The following CIMIP7 variants were observed in gnomAD, a reference collection of about 807,000 sequenced individuals.
The protein encoded by CIMIP7 is ciliary microtubule inner protein 7, also known as uncharacterized protein C3orf84.
At chr3:49,178,575 A>T in the CIMIP7 span, 1 of 1,585,102 alleles carries the variant, frequency 6.3e-7, no homozygotes, top group Non-Finnish European at 8.6e-7. Context: ...AATGGGGAAA[A>T]TGATGCTTAT....
At chr3:49,187,161 T>C in the CIMIP7 span, among the ~76,000 whole-genome samples, 1 of 152,184 alleles carries the variant, frequency 6.6e-6, no homozygotes, top group Non-Finnish European at 1.5e-5. Context: ...TGTGGGAGCT[T>C]GGTGAGAAGC....
chr3:49,178,190 C>A, the CIMIP7 span: 1 of 804,122 alleles, frequency 1.2e-6, no homozygotes, highest in Non-Finnish European at 1.9e-6. Flanking sequence ...CCTTGGCCTG[C>A]CTCCCCAGTG....
the CIMIP7 span, chr3:49,178,498 C>T: frequency 1.2e-4 from 187 of 1,613,534 alleles, 1 homozygote; most frequent in Non-Finnish European, 1.4e-4. Flanking sequence ...AAAGGAAGTA[C>T]GGTTGTCGTG....
chr3:49,182,848 C>T, the CIMIP7 span, among the ~76,000 whole-genome samples: 1 of 152,234 alleles, frequency 6.6e-6, no homozygotes, highest in Non-Finnish European at 1.5e-5. Context: ...AAATTCAGCA[C>T]AGCAGCTGCT....
chr3:49,188,778 C>T, the CIMIP7 span, among the ~76,000 whole-genome samples: 10 of 151,856 alleles, frequency 6.6e-5, no homozygotes, highest in African/African-American at 9.7e-5. Flanking sequence ...GTTGTGACTC[C>T]GATTTATTTA....
the CIMIP7 span, among the ~76,000 whole-genome samples, chr3:49,187,616 G>GA: frequency 6.8e-6 from 1 of 147,010 alleles, no homozygotes; most frequent in Non-Finnish European, 1.5e-5. Context: ...ATCTGCTTTA[G>GA]AAAAAAAATG....
the CIMIP7 span, among the ~76,000 whole-genome samples, chr3:49,187,664 T>C: frequency 6.6e-6 from 1 of 152,072 alleles, no homozygotes; most frequent in Non-Finnish European, 1.5e-5. Context: ...CTGTATGTCA[T>C]GGACAAAAAT....
chr3:49,178,347 G>A, the CIMIP7 span: 1 of 786,376 alleles, frequency 1.3e-6, no homozygotes, highest in South Asian at 1.7e-5. Flanking sequence ...AAGTTTGTGG[G>A]GGAAGACAGC....
chr3:49,183,114 C>A, the CIMIP7 span, among the ~76,000 whole-genome samples: 26 of 152,298 alleles, frequency 1.7e-4, no homozygotes, highest in African/African-American at 6.3e-4. Flanking sequence ...AAGTGGGAGT[C>A]CAGGCAGAGG....
the CIMIP7 span, among the ~76,000 whole-genome samples, chr3:49,190,816 C>T: frequency 6.6e-6 from 1 of 151,784 alleles, no homozygotes; most frequent in Non-Finnish European, 1.5e-5. Context: ...TTACAGGCGC[C>T]CGCCACCACA....
the CIMIP7 span, chr3:49,177,726 C>T: frequency 6.2e-7 from 1 of 1,609,718 alleles, no homozygotes; most frequent in Non-Finnish European, 8.5e-7. Flanking sequence ...GTCTTGGGAT[C>T]CCTGGGAGGT....
the CIMIP7 span, among the ~76,000 whole-genome samples, chr3:49,189,231 A>C: frequency 6.6e-6 from 1 of 151,524 alleles, no homozygotes; most frequent in Admixed American, 6.6e-5. Context: ...GGCCTCCCAA[A>C]GTTCTGGGAT....
chr3:49,185,052 G>A, the CIMIP7 span, among the ~76,000 whole-genome samples: 2 of 151,464 alleles, frequency 1.3e-5, no homozygotes, highest in East Asian at 3.9e-4. Flanking sequence ...ACCTGAGGTC[G>A]GGAGTTCAAG....
chr3:49,178,266 T>G, the CIMIP7 span, among the ~76,000 whole-genome samples: 14 of 152,188 alleles, frequency 9.2e-5, no homozygotes, highest in African/African-American at 3.4e-4. Context: ...GCATATTGTC[T>G]GGCAAGTTGG....
At chr3:49,181,526 T>G in the CIMIP7 span, among the ~76,000 whole-genome samples, 1 of 151,992 alleles carries the variant, frequency 6.6e-6, no homozygotes, top group Non-Finnish European at 1.5e-5. Flanking sequence ...GGCGTGGTGG[T>G]GCATACCTGT....
chr3:49,177,755 C>T, the CIMIP7 span: 15 of 1,609,348 alleles, frequency 9.3e-6, no homozygotes, highest in Non-Finnish European at 1.0e-5. Flanking sequence ...ACGTCAGTGA[C>T]CGGCGCCTGG....
the CIMIP7 span, chr3:49,178,154 G>A: frequency 1.7e-6 from 2 of 1,146,560 alleles, no homozygotes; most frequent in Non-Finnish European, 2.4e-6. Context: ...TCCTATGCCT[G>A]GCTGTCTTGG....
At chr3:49,191,096 C>T in the CIMIP7 span, among the ~76,000 whole-genome samples, 1 of 152,194 alleles carries the variant, frequency 6.6e-6, no homozygotes, top group African/African-American at 2.4e-5. Flanking sequence ...CTGGGAACTC[C>T]TATGGCCCAA....
the CIMIP7 span, chr3:49,178,446 G>A: frequency 1.5e-3 from 2,425 of 1,598,110 alleles, 3 homozygotes; most frequent in Non-Finnish European, 2.0e-3. Flanking sequence ...TTAGGCTGGG[G>A]GACTGCCTGC....
Sources: allele counts gnomAD v4.1 joint callset (sites outside exome capture counted in the v4.1 genomes callset), GRCh38; gene constraint gnomAD v4.1.1; transcripts MANE v1.5; gene names NCBI Gene and HGNC (gene_info 2026-07-23, HGNC 2026-07-21).